Variants in TMEM91 observed in about 807,000 individuals in gnomAD.
TMEM91 encodes the protein dispanin subfamily C member 3.
TMEM91 carries 6 observed loss-of-function variants against 13.3 expected under a neutral mutation model. That is an observed-to-expected ratio of 0.45 (90% CI 0.25 to 0.89). The LOEUF is 0.89. Among genes scored for constraint, TMEM91 ranks in the 40% least tolerant of loss-of-function variants. TMEM91 has a pLI of 0.19. For synonymous variants in TMEM91, 87 were observed against 101.7 expected, an observed-to-expected ratio of 0.86 and a Z score of 0.87; for missense variants, 193 against 228.7, an observed-to-expected ratio of 0.84 and a Z score of 1.01.
chr19:41,368,679 G>A (rs2038567536), intron 1 of TMEM91, among the ~76,000 whole-genome samples: 1 of 151,892 alleles, frequency 6.6e-6, no homozygotes, highest in Admixed American at 6.6e-5. Flanking sequence ...CAAAGTGCTG[G>A]GATTACAGGT....
At chr19:41,364,018 T>G (rs1252135654), upstream of TMEM91, 5 of 184,444 alleles carry the variant, frequency 2.7e-5, no homozygotes, top group Non-Finnish European at 5.9e-5. Flanking sequence ...GTTCATGGGC[T>G]TGACTGCTTC....
At chr19:41,376,489 A>G (rs1002553852), upstream of TMEM91, 1 of 152,286 alleles carries the variant, frequency 6.6e-6, no homozygotes, top group African/African-American at 2.4e-5. Flanking sequence ...GGCGGGGCCA[A>G]GCCAGGAAGG....
intron 2 of TMEM91, among the ~76,000 whole-genome samples, chr19:41,381,067 ACT>A (rs1399626407): frequency 2.6e-5 from 3 of 115,682 alleles, no homozygotes; most frequent in African/African-American, 7.4e-5. Flanking sequence ...CCTGGGCAAG[ACT>A]CTGTCTCAAA....
intron 1 of TMEM91, chr19:41,377,364 CTGA>C (rs2038745788): frequency 6.6e-6 from 1 of 152,362 alleles, no homozygotes. Flanking sequence ...TTTCTGGGAG[CTGA>C]TGTTTTGGGG....
chr19:41,383,082 C>A, intron 3 of TMEM91, 161 bp downstream of exon 3: 3 of 1,047,260 alleles, frequency 2.9e-6, no homozygotes, highest in Non-Finnish European at 4.1e-6. Flanking sequence ...TTTTTTGAGT[C>A]TCACTTTGTC....
intron 1 of TMEM91, among the ~76,000 whole-genome samples, chr19:41,365,559 C>G (rs1273902246): frequency 6.6e-6 from 1 of 151,428 alleles, no homozygotes; most frequent in Non-Finnish European, 1.5e-5. Context: ...CGTGCACCAC[C>G]ACACCCAGCT....
chr19:41,381,076 C>CAAAAAA (rs1166323642), intron 2 of TMEM91, among the ~76,000 whole-genome samples: 10 of 52,788 alleles, frequency 1.9e-4, no homozygotes, highest in South Asian at 1.1e-3. Flanking sequence ...GACTCTGTCT[C>CAAAAAA]AAAAAAAAAA....
At chr19:41,369,430 G>T (rs185045110) in intron 1 of TMEM91, among the ~76,000 whole-genome samples, 170 of 150,822 alleles carry the variant, frequency 1.1e-3, no homozygotes, top group African/African-American at 3.9e-3. Context: ...TGCCTTGAGT[G>T]CAGGAAGTCC....
intron 1 of TMEM91, among the ~76,000 whole-genome samples, chr19:41,366,065 T>TC (rs1159041554): frequency 6.8e-6 from 1 of 147,086 alleles, no homozygotes; most frequent in Non-Finnish European, 1.5e-5. Context: ...TTTTTTTTTT[T>TC]TTTTTTTGAG....
At chr19:41,370,013 C>T (rs1017185008) in intron 1 of TMEM91, among the ~76,000 whole-genome samples, 6 of 152,064 alleles carry the variant, frequency 3.9e-5, no homozygotes, top group African/African-American at 1.2e-4. Flanking sequence ...CCCCTATTCC[C>T]CCCTCTTCTG....
chr19:41,378,250 CA>C (rs750259563), intron 1 of TMEM91, 30 bp from the exon 2 acceptor site: 1 of 1,541,964 alleles, frequency 6.5e-7, no homozygotes, highest in East Asian at 2.3e-5. Context: ...GAGACTTTTA[CA>C]ACTTGTCTTT....
intron 2 of TMEM91, among the ~76,000 whole-genome samples, chr19:41,380,795 T>A (rs539047358): frequency 6.6e-6 from 1 of 150,814 alleles, no homozygotes; most frequent in South Asian, 2.1e-4. Flanking sequence ...ACACCTGTAA[T>A]CCCAGCTATT....
chr19:41,377,592 G>A (rs559534990), intron 1 of TMEM91, among the ~76,000 whole-genome samples: 5 of 152,024 alleles, frequency 3.3e-5, no homozygotes, highest in East Asian at 3.9e-4. Flanking sequence ...GTGGTCACGC[G>A]GTATGAACCT....
upstream of TMEM91, among the ~76,000 whole-genome samples, chr19:41,372,025 AT>A (rs946364509): frequency 2.3e-4 from 30 of 133,174 alleles, no homozygotes; most frequent in African/African-American, 5.7e-4. Context: ...TGCTCGGCTA[AT>A]TTTTTTTTAA....
chr19:41,382,641 A>G, intron 2 of TMEM91, 131 bp from the exon 3 acceptor site: 1 of 1,297,876 alleles, frequency 7.7e-7, no homozygotes, highest in Non-Finnish European at 1.1e-6. Context: ...CCATCTCTGA[A>G]CACTTTTTTC....
chr19:41,371,162 C>A (rs140138301), intron 1 of TMEM91, among the ~76,000 whole-genome samples: 2 of 148,256 alleles, frequency 1.3e-5, no homozygotes, highest in Admixed American at 1.4e-4. Flanking sequence ...CCATCATGCC[C>A]GGCTGACTTT....
intron 1 of TMEM91, 140 bp from the exon 2 acceptor site, chr19:41,378,141 C>T (rs1442973228): frequency 1.6e-6 from 1 of 617,262 alleles, no homozygotes; most frequent in East Asian, 2.8e-5. Context: ...TCTCTCTGGG[C>T]CTCAGCTTCT....
At chr19:41,375,176 C>T (rs775170484), upstream of TMEM91, among the ~76,000 whole-genome samples, 3 of 151,966 alleles carry the variant, frequency 2.0e-5, no homozygotes, top group Non-Finnish European at 4.4e-5. Flanking sequence ...TAGCAAGGGC[C>T]ACAGGAACAC....
rs200407337 is a variant in TMEM91, at chr19:41,382,840, C to T, written c.279C>T (p.His93=). 9.9e-6 allele frequency: 16 copies of T among 1,614,206 alleles called. No homozygotes were observed. Among genetic ancestry groups the T allele is most frequent in the South Asian group, 6.6e-5 (6 of 91,088 alleles). The change falls in exon 3 of 4, where the codon CAC becomes CAT. Residue 93 remains histidine (H), a synonymous_variant. Transcript: ENST00000392002. ...GCCGTCTTTCACCATTTCTACCCCA[C>T]GACCACCTCGGCTTGGCTGTCTTCT... ...GGSRLSPFLP[H]DHLGLAVFSM...
Sources: gnomAD v4.1 joint callset for allele counts (sites outside exome capture counted in the v4.1 genomes callset) on GRCh38, gnomAD v4.1.1 for gene constraint, MANE v1.5 for transcripts, NCBI Gene and HGNC (gene_info 2026-07-23, HGNC 2026-07-21) for gene names.